The following MARCHF5 variants were observed in gnomAD, a reference collection of about 807,000 sequenced individuals.
The protein encoded by MARCHF5 is membrane associated ring-CH-type finger 5, also known as E3 ubiquitin-protein ligase MARCHF5.
MARCHF5 carries 5 observed loss-of-function variants against 36.5 expected under a neutral mutation model. The observed-to-expected ratio is 0.14, with a 90% CI of 0.07 to 0.29. The LOEUF (loss-of-function observed/expected upper bound fraction) is 0.29, where lower values mean the gene tolerates loss of function less well. Among genes scored for constraint, MARCHF5 ranks in the 10% least tolerant of loss-of-function variants. The pLI is 1.00. For synonymous variants in MARCHF5, 103 were observed against 109.9 expected (o/e 0.94, Z 0.39); for missense variants, 179 against 336.3 (o/e 0.53, Z 3.66).
chr10:92,305,927 C>G (rs1197617896), intron 1 of MARCHF5, among the ~76,000 whole-genome samples: 1 of 152,126 alleles, frequency 6.6e-6, no homozygotes, highest in Non-Finnish European at 1.5e-5. Flanking sequence ...GAGACCCTGT[C>G]TCAAAAATAA....
At chr10:92,291,597 C>T in intron 1 of MARCHF5, 68 bp downstream of exon 1, 1 of 1,465,182 alleles carries the variant, frequency 6.8e-7, no homozygotes, top group Non-Finnish European at 9.0e-7. Context: ...CGCCCGCCCT[C>T]GAGGCTCTTG....
intron 2 of MARCHF5, among the ~76,000 whole-genome samples, chr10:92,323,369 G>A (rs180780077): frequency 2.6e-5 from 4 of 152,198 alleles, no homozygotes; most frequent in Admixed American, 6.5e-5. Flanking sequence ...TACAGTCAGC[G>A]AACTTAAGTT....
At position 92,303,321 on chromosome 10, in the gene MARCHF5, G is replaced by A. The variant is rs189022734; in HGVS notation, c.36-7814G>A. Among the ~76,000 whole-genome samples the A allele has an allele frequency of 2.2e-3, 330 of 152,234 alleles. 2 individuals are homozygous for A. Among genetic ancestry groups the A allele is most frequent in the African/African-American group, 7.7e-3 (318 of 41,548 alleles). The stretch of plus-strand genomic sequence containing the variant: ...TTCTGCTCCAACCACATTGGTCTAT[G>A]AATATATGTTCATTTCCATCTCTAA... On this transcript the variant is annotated intron_variant, in intron 1 of 5. Transcript: ENST00000358935.
Position 92,291,548 on chromosome 10 carries a change from G to A in MARCHF5, c.35+19G>A. 1.3e-6 allele frequency: 2 copies of A among 1,531,596 alleles called. No homozygotes were observed. The highest frequency in any genetic ancestry group is 1.8e-6 in the Non-Finnish European group (2 of 1,137,094). 94.9% of individuals were successfully genotyped at this position (1,531,596 alleles called of 1,614,324 possible). A position where few individuals can be genotyped will look rare whatever the true frequency, so the allele number is the denominator to read the frequency against. On this transcript the variant is annotated intron_variant, in intron 1 of 5. Transcript: ENST00000358935. ...TGGACAGGTACGGGCAGCTGTGGGG[G>A]GGACCGGGAGCCGCCGACCCTCGCT...
At chr10:92,307,935 G>GC (rs1417880560) in intron 1 of MARCHF5, among the ~76,000 whole-genome samples, 1 of 149,994 alleles carries the variant, frequency 6.7e-6, no homozygotes, top group African/African-American at 2.5e-5. Context: ...GATTATTTAT[G>GC]CTTCCCCCCT....
chr10:92,295,939 G>A (rs1042410024), intron 1 of MARCHF5, among the ~76,000 whole-genome samples: 2 of 150,756 alleles, frequency 1.3e-5, no homozygotes, highest in Non-Finnish European at 3.0e-5. Flanking sequence ...GCAGTGGCGC[G>A]ATCTCGGTTC....
chr10:92,329,223 C>T (rs1182560227), intron 2 of MARCHF5, among the ~76,000 whole-genome samples: 1 of 152,096 alleles, frequency 6.6e-6, no homozygotes, highest in Admixed American at 6.6e-5. Context: ...TGTGTATTCA[C>T]CTGCAATATG....
At chr10:92,341,007 A>G (rs1843571924) in intron 3 of MARCHF5, among the ~76,000 whole-genome samples, 1 of 152,206 alleles carries the variant, frequency 6.6e-6, no homozygotes, top group Non-Finnish European at 1.5e-5. Flanking sequence ...AATCTTAGAG[A>G]TCATTTCATA....
chr10:92,333,037 G>A (rs1192625133), intron 2 of MARCHF5, among the ~76,000 whole-genome samples: 1 of 151,846 alleles, frequency 6.6e-6, no homozygotes, highest in Non-Finnish European at 1.5e-5. Context: ...ACACATGACT[G>A]TAATCCCAGC....
intron 2 of MARCHF5, among the ~76,000 whole-genome samples, chr10:92,330,139 G>A (rs1400922835): frequency 6.6e-6 from 1 of 152,164 alleles, no homozygotes; most frequent in Non-Finnish European, 1.5e-5. Flanking sequence ...CACCATGCCT[G>A]GCCCTTCATT....
At chr10:92,328,821 A>ATATTT (rs372130854) in intron 2 of MARCHF5, among the ~76,000 whole-genome samples, 7 of 122,420 alleles carry the variant, frequency 5.7e-5, no homozygotes, top group South Asian at 2.6e-4. Flanking sequence ...ATATATATAT[A>ATATTT]TTTTTTTTTT....
intron 2 of MARCHF5, among the ~76,000 whole-genome samples, chr10:92,323,164 C>A (rs562536164): frequency 7.2e-5 from 11 of 152,298 alleles, no homozygotes; most frequent in Admixed American, 3.3e-4. Flanking sequence ...GCGTCAGTAT[C>A]CTGGTTAGCT....
intron 2 of MARCHF5, among the ~76,000 whole-genome samples, chr10:92,312,061 A>T (rs1843150690): frequency 6.6e-6 from 1 of 152,142 alleles, no homozygotes; most frequent in African/African-American, 2.4e-5. Flanking sequence ...GTTGTTAAAC[A>T]TTTTTTTATA....
Position 92,352,675 on chromosome 10 carries a change from A to G in MARCHF5, c.*1468A>G, listed in dbSNP as rs1843733472. 1 of 152,554 alleles carries G rather than the reference A, an allele frequency of 6.6e-6. No individual in the cohort carries two copies. Among genetic ancestry groups the G allele is most frequent in the Non-Finnish European group, 1.5e-5 (1 of 68,034 alleles). The allele number at this position is 152,554 out of a possible 1,614,324, so 9.5% of individuals were successfully genotyped here. On this transcript the variant is annotated 3_prime_UTR_variant, in exon 6 of 6. Coordinates refer to ENST00000358935, the MANE Select transcript of MARCHF5 (RefSeq NM_017824.5). ...GAGCTATGTTAGTTTGCAATAATATATGTTAACTTTAGTAATTAAAGACTG... is the reference window on the plus strand; with the variant it reads ...GAGCTATGTTAGTTTGCAATAATATGTGTTAACTTTAGTAATTAAAGACTG...
chr10:92,328,012 G>T (rs1251253639), intron 2 of MARCHF5, among the ~76,000 whole-genome samples: 1 of 151,994 alleles, frequency 6.6e-6, no homozygotes, highest in Non-Finnish European at 1.5e-5. Flanking sequence ...TGCCTCTCTG[G>T]TCTTCTTCCC....
rs1442752718 is a variant in MARCHF5, at chr10:92,328,816, TATA to T, written c.239-11856_239-11854del. Among the ~76,000 whole-genome samples the T allele has an allele frequency of 3.0e-3, 217 of 71,468 alleles. 1 individual carries two copies. Among genetic ancestry groups the T allele is most frequent in the African/African-American group, 7.2e-3 (204 of 28,314 alleles). The allele number at this position is 71,468 out of a possible 152,430, so 46.9% of individuals were successfully genotyped here. On this transcript the variant is annotated intron_variant, in intron 2 of 5. Transcript: ENST00000358935. ...AGTGAGGTTATTATATATATATATA[TATA>T]TATTTTTTTTTTTTTTACAGGAATA...
intron 2 of MARCHF5, among the ~76,000 whole-genome samples, chr10:92,324,013 T>G (rs763503201): frequency 2.2e-4 from 33 of 152,228 alleles, no homozygotes; most frequent in Non-Finnish European, 8.8e-5. Flanking sequence ...TGTACCATTT[T>G]GCATTTTCAC....
At chr10:92,340,913 T>C in intron 3 of MARCHF5, 110 bp downstream of exon 3, 2 of 1,000,148 alleles carry the variant, frequency 2.0e-6, no homozygotes, top group South Asian at 2.2e-5. Flanking sequence ...AACATTCTCA[T>C]GTTCTTTCTA....
chr10:92,302,874 T>A (rs11186914), intron 1 of MARCHF5, among the ~76,000 whole-genome samples: 83,462 of 152,064 alleles, frequency 0.55, 23,434 homozygotes, highest in Admixed American at 0.66. Context: ...TACACTATTA[T>A]GGCACCATAT....
Sources: allele counts gnomAD v4.1 joint callset (sites outside exome capture counted in the v4.1 genomes callset), GRCh38; gene constraint gnomAD v4.1.1; transcripts MANE v1.5; gene names NCBI Gene and HGNC (gene_info 2026-07-23, HGNC 2026-07-21).